OTOGL: variants seen among roughly 807,000 people sequenced by gnomAD.
OTOGL encodes the protein otogelin-like protein.
A neutral mutation model predicts 318.5 loss-of-function variants in OTOGL; 285 were observed. The observed-to-expected ratio is 0.89, with a 90% CI of 0.81 to 0.99. OTOGL has a LOEUF of 0.99. Among genes scored for constraint, OTOGL ranks in the 50% least tolerant of loss-of-function variants. The pLI, the probability that OTOGL is intolerant of heterozygous loss-of-function variation, is 0.00. For synonymous variants in OTOGL, 987 were observed against 936.5 expected, an observed-to-expected ratio of 1.05 and a Z score of -0.99; for missense variants, 2,899 against 2,845.6, an observed-to-expected ratio of 1.02 and a Z score of -0.43.
intron 1 of OTOGL, among the ~76,000 whole-genome samples, chr12:80,199,755 T>C (rs1876331218): frequency 6.6e-6 from 1 of 152,242 alleles, no homozygotes; most frequent in Admixed American, 6.5e-5. Flanking sequence ...TTGTGAGATA[T>C]TTGTGTGCAG....
intron 1 of OTOGL, among the ~76,000 whole-genome samples, chr12:80,104,543 A>G (rs1380902961): frequency 6.6e-6 from 1 of 152,188 alleles, no homozygotes; most frequent in East Asian, 1.9e-4. Flanking sequence ...TTGAGTGGAT[A>G]CAGTGCCTTA....
chr12:80,124,514 G>A (rs1427466557), intron 1 of OTOGL, among the ~76,000 whole-genome samples: 1 of 152,060 alleles, frequency 6.6e-6, no homozygotes, highest in Non-Finnish European at 1.5e-5. Context: ...TTGACTTGGT[G>A]ATGTGGGCTC....
At chr12:80,156,272 T>C (rs1490196388) in intron 1 of OTOGL, among the ~76,000 whole-genome samples, 1 of 152,154 alleles carries the variant, frequency 6.6e-6, no homozygotes, top group Non-Finnish European at 1.5e-5. Context: ...GCTGAATGCT[T>C]CCTGCCCTTG....
chr12:80,197,186 T>A (rs1223425810), intron 1 of OTOGL, among the ~76,000 whole-genome samples: 2 of 152,196 alleles, frequency 1.3e-5, no homozygotes, highest in African/African-American at 4.8e-5. Context: ...TTGTCCCACC[T>A]TTCTGGACTG....
At position 80,265,138 on chromosome 12, in the gene OTOGL, C is replaced by T. The variant is rs746006079; in HGVS notation, c.2152C>T (p.Leu718Phe). ...TGGAAGCTCCTGCCTGTGCAATGCTCTTGCCCACTATGCCTACCTCTGCGG... is the reference window on the plus strand; with the variant it reads ...TGGAAGCTCCTGCCTGTGCAATGCTTTTGCCCACTATGCCTACCTCTGCGG... ...KCGSSCLCNA[L>F]AHYAYLCGQH... The change falls in exon 20 of 59, where the codon CTT becomes TTT. Residue 718 changes from leucine to phenylalanine, a missense_variant. Leu to Phe is a conservative substitution (Grantham distance 22). Transcript: ENST00000547103. 6 of 1,613,774 alleles carry T rather than the reference C, an allele frequency of 3.7e-6. No individual in the cohort carries two copies. Among genetic ancestry groups the T allele is most frequent in the Non-Finnish European group, 5.1e-6 (6 of 1,179,878 alleles).
chr12:80,125,421 G>T (rs532929085), intron 1 of OTOGL, among the ~76,000 whole-genome samples: 149 of 152,292 alleles, frequency 9.8e-4, no homozygotes, highest in African/African-American at 3.4e-3. Context: ...TTTTTGATGT[G>T]CTGCTGGATT....
Position 80,148,566 on chromosome 12 carries a change from T to C in OTOGL, c.-20+48961T>C, listed in dbSNP as rs545821716. 1.6e-4 allele frequency among the ~76,000 whole-genome samples: 24 copies of C among 151,808 alleles called. No homozygotes were observed. The East Asian group carries it at 3.1e-3, about 20-fold the overall frequency. ...CTCTTCTCGAGGAGTATCTTTGTGG[T>C]GTTCTCTGTATTTCCTGAATCTGAA... On this transcript the variant is annotated intron_variant, in intron 1 of 58. Coordinates refer to ENST00000547103, the MANE Select transcript of OTOGL (RefSeq NM_001378609.3).
intron 1 of OTOGL, among the ~76,000 whole-genome samples, chr12:80,129,998 C>T (rs1222192196): frequency 2.0e-5 from 3 of 152,144 alleles, no homozygotes; most frequent in African/African-American, 7.2e-5. Context: ...TCTTTTCCTC[C>T]AAGTCTTGCC....
At chr12:80,290,177 G>C (rs573349186) in intron 26 of OTOGL, among the ~76,000 whole-genome samples, 71 of 152,210 alleles carry the variant, frequency 4.7e-4, no homozygotes, top group Non-Finnish European at 4.9e-4. Flanking sequence ...TCGTGGGTGA[G>C]GTGACACCCC....
At chr12:80,119,823 C>T (rs1041140014) in intron 1 of OTOGL, among the ~76,000 whole-genome samples, 1 of 152,086 alleles carries the variant, frequency 6.6e-6, no homozygotes, top group African/African-American at 2.4e-5. Flanking sequence ...ACATGGTAAA[C>T]CAGATTATGT....
At chr12:80,121,595 C>T (rs1002254127) in intron 1 of OTOGL, among the ~76,000 whole-genome samples, 1 of 152,136 alleles carries the variant, frequency 6.6e-6, no homozygotes, top group Non-Finnish European at 1.5e-5. Context: ...AAAAACCAAA[C>T]CATAATAGCA....
chr12:80,254,349 A>G (rs55711443), intron 14 of OTOGL, among the ~76,000 whole-genome samples, 175 bp from the exon 15 acceptor site: 1 of 129,300 alleles, frequency 7.7e-6, no homozygotes, highest in African/African-American at 2.6e-5. Context: ...TGATTTTTTT[A>G]TTATTATTTA....
chr12:80,177,809 C>T (rs1402013977), intron 1 of OTOGL, among the ~76,000 whole-genome samples: 1 of 151,804 alleles, frequency 6.6e-6, no homozygotes, highest in Non-Finnish European at 1.5e-5. Context: ...TATATTTGTC[C>T]TTTTGAGGTT....
At chr12:80,129,048 T>G (rs1871065069) in intron 1 of OTOGL, among the ~76,000 whole-genome samples, 1 of 152,196 alleles carries the variant, frequency 6.6e-6, no homozygotes, top group Admixed American at 6.5e-5. Flanking sequence ...CCCACTGTCC[T>G]GCACCCACTG....
intron 26 of OTOGL, among the ~76,000 whole-genome samples, chr12:80,290,132 G>A (rs1004699254): frequency 6.6e-6 from 1 of 152,186 alleles, no homozygotes; most frequent in Non-Finnish European, 1.5e-5. Context: ...CTTGGCTAGG[G>A]GAGGGGTTTC....
At chr12:80,330,099 T>C (rs1472005253) in intron 37 of OTOGL, among the ~76,000 whole-genome samples, 1 of 152,152 alleles carries the variant, frequency 6.6e-6, no homozygotes, top group East Asian at 1.9e-4. Context: ...AGCAGGTCAG[T>C]GTATCTTGAA....
At chr12:80,125,500 T>C (rs1312571223) in intron 1 of OTOGL, among the ~76,000 whole-genome samples, 3 of 152,178 alleles carry the variant, frequency 2.0e-5, no homozygotes, top group Non-Finnish European at 4.4e-5. Flanking sequence ...TAAAATTCTC[T>C]TTTTTGATTG....
At chr12:80,316,439 A>G (rs1372504946) in intron 32 of OTOGL, among the ~76,000 whole-genome samples, 7 of 152,110 alleles carry the variant, frequency 4.6e-5, no homozygotes, top group Non-Finnish European at 7.4e-5. Context: ...GAATCTCTCT[A>G]CCTCTTGCTA....
intron 30 of OTOGL, among the ~76,000 whole-genome samples, chr12:80,312,962 ACT>A (rs374991451): frequency 1.3e-5 from 2 of 152,026 alleles, no homozygotes; most frequent in African/African-American, 4.8e-5. Flanking sequence ...TTTTTAATGC[ACT>A]GTCAATATAT....
Sources: gnomAD v4.1 joint callset for allele counts (sites outside exome capture counted in the v4.1 genomes callset) on GRCh38, gnomAD v4.1.1 for gene constraint, MANE v1.5 for transcripts, NCBI Gene and HGNC (gene_info 2026-07-23, HGNC 2026-07-21) for gene names.